MYO15A: variants seen among roughly 807,000 people sequenced by gnomAD.
MYO15A encodes unconventional myosin-XV.
Under a neutral mutation model 394.6 loss-of-function variants are expected in MYO15A, and 308 were observed. The ratio of observed to expected loss-of-function variants is 0.78; its 90% CI spans 0.71 to 0.86. The LOEUF is 0.86. MYO15A is among the 40% of genes least tolerant of loss of function. The probability of loss-of-function intolerance (pLI) is 0.00; values close to 1 mark genes in which losing one functional copy is unlikely to be tolerated. For synonymous variants in MYO15A, 1,957 were observed against 2,003.8 expected (o/e 0.98, Z 0.62); for missense variants, 4,606 against 4,799.1 (o/e 0.96, Z 1.19).
chr17:18,108,911 G>C (rs2045687660), intron 1 of MYO15A, 87 bp downstream of exon 1: 1 of 152,748 alleles, frequency 6.5e-6, no homozygotes, highest in Non-Finnish European at 1.5e-5. Context: ...GGAAGGGGCA[G>C]CAGCAGAGCT....
At chr17:18,116,470 T>C (rs991826987) in intron 1 of MYO15A, among the ~76,000 whole-genome samples, 4 of 152,214 alleles carry the variant, frequency 2.6e-5, no homozygotes, top group African/African-American at 9.6e-5. Flanking sequence ...TGAGTCTGAG[T>C]TTCCTCATCC....
At chr17:18,172,051 T>C in intron 63 of MYO15A, 106 bp from the exon 64 acceptor site, 1 of 1,585,006 alleles carries the variant, frequency 6.3e-7, no homozygotes, top group East Asian at 2.2e-5. Flanking sequence ...ACCAAGGGCT[T>C]CTGCACTGGC....
In MYO15A at chr17:18,143,903, C is replaced by A. The variant is rs1375736735; in HGVS notation, c.6080C>A (p.Pro2027His). ...CTGGCCCAGGTGCCTCAGGTGGCCC[C>A]TGTGAGGACTCCTCGACTCCAGGCT... The part of the protein sequence containing the change: ...LGLAQVPQVA[P>H]VRTPRLQAEP... Residue 2027 changes from proline (P) to histidine (H), a missense_variant, in exon 28 of 66, where the codon CCT becomes CAT. Around this residue, in one of 2 missense-constraint regions of MYO15A, gnomAD observed 2,776 missense variants for 3,109.3 expected, o/e 0.89. Coordinates refer to ENST00000647165, the MANE Select transcript of MYO15A (RefSeq NM_016239.4). 1 of 1,596,336 alleles carries A rather than the reference C, an allele frequency of 6.3e-7. No homozygotes were observed.
rs2046566081 is a variant in MYO15A, at chr17:18,150,780, G to C, written c.7395+15G>C. 1 of 1,580,796 alleles carries C rather than the reference G, an allele frequency of 6.3e-7. No homozygotes were observed. The highest frequency in any genetic ancestry group is 2.3e-5 in the East Asian group (1 of 43,118). On this transcript the variant is annotated intron_variant, in intron 37 of 65. Coordinates refer to ENST00000647165, the MANE Select transcript of MYO15A (RefSeq NM_016239.4). The surrounding 1 kb of genome is among the most constrained non-coding windows in gnomAD (Gnocchi z 4.4). ...CCGTGCTGCTGGTGAGTGAGGGAGG[G>C]ACTGCTGGGGGGTGGAGAATGGACC...
Position 18,119,033 on chromosome 17 carries a change from C to T in MYO15A, c.233C>T (p.Thr78Ile), listed in dbSNP as rs1339243999. ...QKTKRKRKARTVLKSTSKLMT... is the reference protein window; with the variant it reads ...QKTKRKRKARIVLKSTSKLMT... Reference sequence around the variant, plus strand: ...ACCAAGCGCAAGAGGAAGGCCCGCACCGTGCTCAAGTCCACGTCAAAGCTC... The same window carrying T: ...ACCAAGCGCAAGAGGAAGGCCCGCATCGTGCTCAAGTCCACGTCAAAGCTC... Residue 78 changes from threonine (T) to isoleucine (I), a missense_variant, in exon 2 of 66, where the codon ACC (threonine) becomes ATC (isoleucine). Thr to Ile is a moderately conservative substitution (Grantham distance 89, BLOSUM62 -1). This residue lies in a region of MYO15A where 1,830 missense variants were observed against 1,689.7 expected (regional missense o/e 1.08). Coordinates refer to ENST00000647165, the MANE Select transcript of MYO15A (RefSeq NM_016239.4). 1 of 1,612,624 alleles carries T rather than the reference C, an allele frequency of 6.2e-7. No individual in the cohort carries two copies.
At chr17:18,143,251 G>A (rs1384402974) in intron 25 of MYO15A, among the ~76,000 whole-genome samples, 2 of 152,182 alleles carry the variant, frequency 1.3e-5, no homozygotes, top group Non-Finnish European at 2.9e-5. Flanking sequence ...TGAAGGTGGC[G>A]CTACAGAGGA....
Position 18,127,170 on chromosome 17 carries a change from G to T in MYO15A, c.4032+5G>T. 1 of 1,613,424 alleles carries T rather than the reference G, an allele frequency of 6.2e-7. No individual in the cohort carries two copies. The highest frequency in any genetic ancestry group is 8.5e-7 in the Non-Finnish European group (1 of 1,179,876). ...AAACGGGAGGTCATGCAGCAGGTGA[G>T]TCTACCTGTCTCCCCAGGACCCTAG... On this transcript the variant is annotated splice_donor_5th_base_variant and intron_variant, in intron 7 of 65. Coordinates refer to ENST00000647165, the MANE Select transcript of MYO15A (RefSeq NM_016239.4).
rs1003226324 is a variant in MYO15A, at chr17:18,126,184, G to C, written c.3757-163G>C. Reference sequence around the variant, plus strand: ...GCCTGAGATTCCACTGTTAGAGCACGTAGCCCAGCTAGCTGGTAGAGGGCT... The same window carrying C: ...GCCTGAGATTCCACTGTTAGAGCACCTAGCCCAGCTAGCTGGTAGAGGGCT... On this transcript the variant is annotated intron_variant, in intron 4 of 65. Transcript: ENST00000647165. Among the ~76,000 whole-genome samples the C allele has an allele frequency of 2.6e-5, 4 of 152,368 alleles. No homozygotes were observed. The South Asian group carries it at 8.3e-4, about 32-fold the overall frequency.
chr17:18,178,370 G>GAA, intron 65 of MYO15A: 88 of 274,542 alleles, frequency 3.2e-4, no homozygotes, highest in South Asian at 6.1e-4. Context: ...CTCCATCTAG[G>GAA]AAAAAAAAAA....
intron 47 of MYO15A, chr17:18,155,844 C>T: frequency 4.7e-6 from 2 of 426,508 alleles, no homozygotes; most frequent in Non-Finnish European, 8.8e-6. Context: ...GGGAATGGAA[C>T]CTTGCTAACT....
Position 18,150,885 on chromosome 17 carries a change from G to A in MYO15A, c.7445G>A (p.Ser2482Asn). The A allele has an allele frequency of 6.3e-7, 1 of 1,599,368 alleles. No homozygotes were observed. The highest frequency in any genetic ancestry group is 1.1e-5 in the South Asian group (1 of 89,228). ...QATALQQQPLSAALRSLPAEK... is the reference protein window; with the variant it reads ...QATALQQQPLNAALRSLPAEK... ...ACGGCACTCCAGCAGCAGCCCCTGA[G>A]TGCTGCCCTGAGATCCTTGCCCGCA... The change falls in exon 38 of 66, where the codon AGT becomes AAT. Residue 2482 changes from serine to asparagine, a missense_variant. This residue lies in a region of MYO15A where 2,776 missense variants were observed against 3,109.3 expected (regional missense o/e 0.89). Transcript: ENST00000647165. This position sits in a 1 kb window ranked among gnomAD's most constrained non-coding sequence, Gnocchi z 4.4.
At position 18,143,716 on chromosome 17, in the gene MYO15A, A is replaced by G. The variant is rs774375423; in HGVS notation, c.5966A>G (p.Glu1989Gly). Residue 1989 changes from glutamate (E) to glycine (G), a missense_variant and splice_region_variant, in exon 27 of 66, where the codon GAG becomes GGG. Physicochemically the swap from Glu to Gly is moderately conservative, Grantham distance 98. This residue lies in a region of MYO15A where 2,776 missense variants were observed against 3,109.3 expected (regional missense o/e 0.89). Coordinates refer to ENST00000647165, the MANE Select transcript of MYO15A (RefSeq NM_016239.4). ...VEGALLWEQE[E>G]LSKREVVAVG... ...CTGTCCCATGCACTGTCCCTCTAGG[A>G]GCTGAGCAAGCGGGAGGTAGTCGCT... The G allele has an allele frequency of 1.3e-6, 2 of 1,595,052 alleles. No homozygotes were observed. Among genetic ancestry groups the G allele is most frequent in the Non-Finnish European group, 1.7e-6 (2 of 1,171,486 alleles).
chr17:18,154,846 C>T (rs1173613700), intron 45 of MYO15A, 91 bp downstream of exon 45: 2 of 1,385,084 alleles, frequency 1.4e-6, no homozygotes, highest in Non-Finnish European at 2.0e-6. Flanking sequence ...CTGACAAGCC[C>T]AGGCCCACCA....
In MYO15A at chr17:18,173,882, C is replaced by A; in HGVS notation, c.10452C>A (p.Asp3484Glu). Residue 3484 changes from aspartate to glutamate, a missense_variant, in exon 65 of 66, where the codon GAC becomes GAA. Coordinates refer to ENST00000647165, the MANE Select transcript of MYO15A (RefSeq NM_016239.4). ...SYPYVEIALGDVAAQRTLQLQ... is the reference protein window; with the variant it reads ...SYPYVEIALGEVAAQRTLQLQ... ...CCTATGTGGAGATTGCGCTGGGGGACGTGGCGGCCCAGCGCACCTTGCAGC... is the reference window on the plus strand; with the variant it reads ...CCTATGTGGAGATTGCGCTGGGGGAAGTGGCGGCCCAGCGCACCTTGCAGC... 1 of 1,612,916 alleles carries A rather than the reference C, an allele frequency of 6.2e-7. No individual in the cohort carries two copies. The highest frequency in any genetic ancestry group is 1.1e-5 in the South Asian group (1 of 91,018).
rs143006723 is a variant in MYO15A at position 18,113,953 on chromosome 17, C to T, written c.-219-4629C>T. ...CTCCCTATCAGGACACAGAGATCGTCCACATTCCTTGTTATAGCTGTGTTG... is the reference window on the plus strand; with the variant it reads ...CTCCCTATCAGGACACAGAGATCGTTCACATTCCTTGTTATAGCTGTGTTG... On this transcript the variant is annotated intron_variant, in intron 1 of 65. Coordinates refer to ENST00000647165, the MANE Select transcript of MYO15A (RefSeq NM_016239.4). Among the ~76,000 whole-genome samples the T allele has an allele frequency of 4.1e-3, 625 of 152,102 alleles. 2 individuals are homozygous for T. Among genetic ancestry groups the T allele is most frequent in the Non-Finnish European group, 6.8e-3 (462 of 67,994 alleles).
Position 18,124,509 on chromosome 17 carries a change from C to T in MYO15A, c.3636C>T (p.Ser1212=), listed in dbSNP as rs1329791434. 1 of 1,612,928 alleles carries T rather than the reference C, an allele frequency of 6.2e-7. No homozygotes were observed. The highest frequency in any genetic ancestry group is 1.7e-5 in the Admixed American group (1 of 60,010). Residue 1212 remains serine, a synonymous_variant, in exon 3 of 66, where the codon TCC becomes TCT. Coordinates refer to ENST00000647165, the MANE Select transcript of MYO15A (RefSeq NM_016239.4). ...TGCACTCCATCCGCAACCTGCCATC[C>T]ATGCGGTTCCGTGAGCAGCACGGGG... The part of the protein sequence containing the change: ...NKMHSIRNLP[S]MRFREQHGED...
chr17:18,151,168 C>A lies in MYO15A; in HGVS notation c.7532C>A (p.Pro2511His). The A allele has an allele frequency of 6.2e-7, 1 of 1,614,088 alleles. No homozygotes were observed. Among genetic ancestry groups the A allele is most frequent in the African/African-American group, 1.3e-5 (1 of 75,054 alleles). Residue 2511 changes from proline to histidine, a missense_variant, in exon 39 of 66, where the codon CCC becomes CAC. Physicochemically the swap from Pro to His is moderately conservative, Grantham distance 77. Around this residue, in one of 2 missense-constraint regions of MYO15A, gnomAD observed 2,776 missense variants for 3,109.3 expected, o/e 0.89. Transcript: ENST00000647165. ...TSVGTGPPAKPVLLRATPKPL... is the reference protein window; with the variant it reads ...TSVGTGPPAKHVLLRATPKPL... ...GTAGGCACCGGTCCCCCTGCCAAAC[C>A]CGTGCTCCTGCGTGCCACTCCAAAG... is the stretch of plus-strand genomic sequence containing the variant.
At chr17:18,139,097 G>A (rs534807062) in intron 18 of MYO15A, among the ~76,000 whole-genome samples, 161 bp downstream of exon 18, 1 of 152,302 alleles carries the variant, frequency 6.6e-6, no homozygotes, top group African/African-American at 2.4e-5. Flanking sequence ...TAGCCAGTCT[G>A]AGCCTCAGTT....
rs762617660 is a variant in MYO15A, at chr17:18,119,194, A to G, written c.394A>G (p.Thr132Ala). The G allele has an allele frequency of 7.4e-6, 12 of 1,612,380 alleles. No individual in the cohort carries two copies. The highest frequency in any genetic ancestry group is 9.3e-6 in the Non-Finnish European group (11 of 1,179,912). ...CGCCCGGTCACTCAGCAAAGCGTCC[A>G]CGGCCATCAACTGGCTCACAAAAAA... ...PRARSLSKAS[T>A]AINWLTKKFL... The change falls in exon 2 of 66, where the codon ACG becomes GCG. Residue 132 changes from threonine to alanine, a missense_variant. Physicochemically the swap from Thr to Ala is moderately conservative, Grantham distance 58. Around this residue, in one of 2 missense-constraint regions of MYO15A, gnomAD observed 1,830 missense variants for 1,689.7 expected, o/e 1.08. Coordinates refer to ENST00000647165, the MANE Select transcript of MYO15A (RefSeq NM_016239.4).
Sources: gnomAD v4.1 joint callset for allele counts (sites outside exome capture counted in the v4.1 genomes callset) on GRCh38, gnomAD v4.1.1 for gene constraint, gnomAD v4.1.1 regional missense constraint, Gnocchi (gnomAD v3.1) non-coding constraint, MANE v1.5 for transcripts, NCBI Gene and HGNC (gene_info 2026-07-23, HGNC 2026-07-21) for gene names.